The following PMEPA1 variants were observed in gnomAD, a reference collection of about 807,000 sequenced individuals.
PMEPA1 encodes the protein prostate transmembrane protein, androgen induced 1.
In PMEPA1, 11 loss-of-function variants were observed where a neutral mutation model predicts 23.0. That is an observed-to-expected ratio of 0.48 (90% CI 0.30 to 0.79). The LOEUF (loss-of-function observed/expected upper bound fraction) is 0.79. Ranked by LOEUF, PMEPA1 falls within the 30% of genes least tolerant of loss-of-function variation. PMEPA1 has a pLI of 0.06. For synonymous variants in PMEPA1, 204 were observed against 166.4 expected (o/e 1.23, Z -1.74); for missense variants, 377 against 390.9 (o/e 0.96, Z 0.30).
intron 2 of PMEPA1, among the ~76,000 whole-genome samples, chr20:57,659,192 G>A (rs570661672): frequency 2.7e-4 from 41 of 152,272 alleles, no homozygotes; most frequent in South Asian, 2.1e-3. Context: ...CTCCTGGAAC[G>A]TCAGCTCCAT....
At chr20:57,686,112 G>A (rs555734356) in intron 1 of PMEPA1, among the ~76,000 whole-genome samples, 1 of 152,298 alleles carries the variant, frequency 6.6e-6, no homozygotes, top group Admixed American at 6.5e-5. Context: ...ACAGCATCCA[G>A]GAGCTCCCAG....
In PMEPA1 at chr20:57,709,712, G is replaced by T. The variant is rs2072142827; in HGVS notation, c.-130C>A. On this transcript the variant is annotated 5_prime_UTR_variant, in exon 1 of 4. Coordinates refer to ENST00000341744, the MANE Select transcript of PMEPA1 (RefSeq NM_020182.5). The stretch of plus-strand genomic sequence containing the variant: ...CGGGGGAGGCGCGCCCCGGCTCGCC[G>T]GGCTCGGGTCGCCGCCAAGTTCCCG... 1 of 978,186 alleles carries T rather than the reference G, an allele frequency of 1.0e-6. No individual in the cohort carries two copies. Among genetic ancestry groups the T allele is most frequent in the African/African-American group, 1.8e-5 (1 of 56,174 alleles). 60.6% of individuals were successfully genotyped at this position (978,186 alleles called of 1,614,324 possible).
chr20:57,709,836 T>C lies in PMEPA1; in HGVS notation c.-254A>G. ...GCGTCGGCAGTGCCCGCGGGTGGCG[T>C]CCGGAAAATGGGCTGGCAGCGGGGC... is the stretch of plus-strand genomic sequence containing the variant. On this transcript the variant is annotated 5_prime_UTR_variant, in exon 1 of 4. Coordinates refer to ENST00000341744, the MANE Select transcript of PMEPA1 (RefSeq NM_020182.5). 1 of 983,956 alleles carries C rather than the reference T, an allele frequency of 1.0e-6. No individual in the cohort carries two copies. The highest frequency in any genetic ancestry group is 1.2e-6 in the Non-Finnish European group (1 of 830,180). 61.0% of individuals were successfully genotyped at this position (983,956 alleles called of 1,614,324 possible). A position where few individuals can be genotyped will look rare whatever the true frequency, so the allele number is the denominator to read the frequency against.
chr20:57,667,769 C>A (rs948434588), intron 1 of PMEPA1, among the ~76,000 whole-genome samples: 3 of 152,204 alleles, frequency 2.0e-5, no homozygotes, highest in Non-Finnish European at 4.4e-5. Flanking sequence ...AGAGCCCCAG[C>A]GGCCCTGGGG....
intron 2 of PMEPA1, among the ~76,000 whole-genome samples, chr20:57,657,056 T>C (rs551821214): frequency 6.6e-6 from 1 of 152,268 alleles, no homozygotes; most frequent in African/African-American, 2.4e-5. Context: ...AGACTTTCTA[T>C]TGGCCGAAGG....
rs936260593 is a variant in PMEPA1 at position 57,662,463 on chromosome 20, C to T, written c.110-2766G>A. 2.0e-5 allele frequency among the ~76,000 whole-genome samples: 3 copies of T among 152,292 alleles called. No individual in the cohort carries two copies. In the South Asian group the frequency reaches 6.2e-4, roughly 32 times the overall value. On this transcript the variant is annotated intron_variant, in intron 1 of 3. Transcript: ENST00000341744. Reference sequence around the variant, plus strand: ...TCCCAAGCCCCGAGAAGGCTTCGGCCCTGCCTGCTGGGAACTCAGGCCCCA... The same window carrying T: ...TCCCAAGCCCCGAGAAGGCTTCGGCTCTGCCTGCTGGGAACTCAGGCCCCA...
Position 57,651,959 on chromosome 20 carries a change from T to C in PMEPA1, c.*94A>G, listed in dbSNP as rs2071237269. On this transcript the variant is annotated 3_prime_UTR_variant, in exon 4 of 4. Transcript: ENST00000341744. Reference sequence around the variant, plus strand: ...AGGGGAGGGCCACACGATGCGTTGCTGCGCCCCCCGCCTTCCTCTCACTCC... The same window carrying C: ...AGGGGAGGGCCACACGATGCGTTGCCGCGCCCCCCGCCTTCCTCTCACTCC... The C allele has an allele frequency of 2.8e-6, 3 of 1,090,002 alleles. No individual in the cohort carries two copies. The Admixed American group carries it at 9.9e-5, about 36-fold the overall frequency. 67.5% of individuals were successfully genotyped at this position (1,090,002 alleles called of 1,614,324 possible).
rs932464878 is a variant in PMEPA1 at position 57,683,040 on chromosome 20, A to G, written c.110-23343T>C. On this transcript the variant is annotated intron_variant, in intron 1 of 3. Transcript: ENST00000341744. This position sits in a 1 kb window ranked among gnomAD's most constrained non-coding sequence, Gnocchi z 4.3. ...CCCAGGTTTGAGCTCTAAAAGCCAG[A>G]CCTTTTTCAATGTCATCTCTCACGC... Among the ~76,000 whole-genome samples, 1 of 152,020 alleles carries G rather than the reference A, an allele frequency of 6.6e-6. No individual in the cohort carries two copies. Among genetic ancestry groups the G allele is most frequent in the African/African-American group, 2.4e-5 (1 of 41,376 alleles).
rs539380287 is a variant in PMEPA1 at position 57,704,729 on chromosome 20, C to T, written c.109+4745G>A. 2.6e-5 allele frequency among the ~76,000 whole-genome samples: 4 copies of T among 152,318 alleles called. 1 individual carries two copies. The highest frequency in any genetic ancestry group is 5.9e-5 in the Non-Finnish European group (4 of 68,030). On this transcript the variant is annotated intron_variant, in intron 1 of 3. Coordinates refer to ENST00000341744, the MANE Select transcript of PMEPA1 (RefSeq NM_020182.5). The surrounding 1 kb of genome is among the most constrained non-coding windows in gnomAD (Gnocchi z 4.6). ...TTTAAACTATTGACCGGACTATAAACGTTTAAACCCCCTGGCCCTGGGCCA... is the reference window on the plus strand; with the variant it reads ...TTTAAACTATTGACCGGACTATAAATGTTTAAACCCCCTGGCCCTGGGCCA...
chr20:57,664,815 C>G (rs934401641), intron 1 of PMEPA1, among the ~76,000 whole-genome samples: 13 of 152,222 alleles, frequency 8.5e-5, no homozygotes, highest in African/African-American at 3.1e-4. Flanking sequence ...AAGGGCCAAG[C>G]AGGCCACACC....
intron 2 of PMEPA1, among the ~76,000 whole-genome samples, chr20:57,653,711 C>T (rs983647681): frequency 1.8e-4 from 28 of 152,168 alleles, no homozygotes; most frequent in African/African-American, 6.8e-4. Flanking sequence ...AAGCTCAGCC[C>T]GAGCCCCAGG....
Position 57,652,683 on chromosome 20 carries a change from C to G in PMEPA1, c.319-85G>C. The G allele has an allele frequency of 8.5e-7, 1 of 1,180,408 alleles. No homozygotes were observed. The highest frequency in any genetic ancestry group is 1.6e-5 in the South Asian group (1 of 62,744). 73.1% of individuals were successfully genotyped at this position (1,180,408 alleles called of 1,614,324 possible). ...CGATCCTGAGACTGGAGTTCTGCTG[C>G]ATGGGACTTGGCTCTCTGGGGAAAG... On this transcript the variant is annotated intron_variant, in intron 3 of 3. Coordinates refer to ENST00000341744, the MANE Select transcript of PMEPA1 (RefSeq NM_020182.5). The surrounding 1 kb of genome is among the most constrained non-coding windows in gnomAD (Gnocchi z 6.1).
At chr20:57,685,471 C>G (rs1480928141) in intron 1 of PMEPA1, among the ~76,000 whole-genome samples, 1 of 152,214 alleles carries the variant, frequency 6.6e-6, no homozygotes, top group Non-Finnish European at 1.5e-5. Context: ...TTACAGCGCA[C>G]AGAGACGCGC....
chr20:57,651,090 G>A lies in PMEPA1; in HGVS notation c.*963C>T, dbSNP rs1297502771. 1.3e-5 allele frequency: 2 copies of A among 152,240 alleles called. No individual in the cohort carries two copies. Among genetic ancestry groups the A allele is most frequent in the African/African-American group, 4.8e-5 (2 of 41,464 alleles). The allele number at this position is 152,240 out of a possible 1,614,324, so 9.4% of individuals were successfully genotyped here. The stretch of plus-strand genomic sequence containing the variant: ...CGGTAACAGTTTATTTTCATTTTTG[G>A]GAAAGGCAAAACCACTACCTGGAAC... On this transcript the variant is annotated 3_prime_UTR_variant, in exon 4 of 4. Transcript: ENST00000341744.
chr20:57,660,527 T>C (rs1465269905), intron 1 of PMEPA1, among the ~76,000 whole-genome samples: 1 of 111,234 alleles, frequency 9.0e-6, no homozygotes, highest in Non-Finnish European at 1.7e-5. Context: ...TCAACAACGC[T>C]ACATACTCCA....
intron 1 of PMEPA1, among the ~76,000 whole-genome samples, chr20:57,693,563 A>T (rs549220372): frequency 2.5e-4 from 38 of 152,270 alleles, no homozygotes; most frequent in Admixed American, 3.3e-4. Flanking sequence ...GCTGGGACAC[A>T]CCTGAGCCCT....
At chr20:57,701,242 G>T (rs540456983) in intron 1 of PMEPA1, among the ~76,000 whole-genome samples, 1 of 152,056 alleles carries the variant, frequency 6.6e-6, no homozygotes, top group Non-Finnish European at 1.5e-5. Context: ...TGATACCGCC[G>T]AAGTTGAGTC....
chr20:57,681,674 A>G (rs2071716685), intron 1 of PMEPA1, among the ~76,000 whole-genome samples: 2 of 152,122 alleles, frequency 1.3e-5, no homozygotes, highest in African/African-American at 4.8e-5. Context: ...GCACCTTACA[A>G]AACTCGATTC....
At chr20:57,666,166 T>C (rs1292566176) in intron 1 of PMEPA1, among the ~76,000 whole-genome samples, 2 of 152,134 alleles carry the variant, frequency 1.3e-5, no homozygotes, top group Non-Finnish European at 2.9e-5. Context: ...TTGTGAATAA[T>C]TTCACATTAA....
Sources: gnomAD v4.1 joint callset for allele counts (sites outside exome capture counted in the v4.1 genomes callset) on GRCh38, gnomAD v4.1.1 for gene constraint, Gnocchi (gnomAD v3.1) non-coding constraint, MANE v1.5 for transcripts, NCBI Gene and HGNC (gene_info 2026-07-23, HGNC 2026-07-21) for gene names.